Variants in FASTKD1 observed in about 807,000 individuals in gnomAD.
The protein encoded by FASTKD1 is FAST kinase domains 1, also known as FAST kinase domain-containing protein 1, mitochondrial.
Under a neutral mutation model 90.9 loss-of-function variants are expected in FASTKD1, and 94 were observed. The observed-to-expected ratio is 1.03, with a 90% CI of 0.88 to 1.23. FASTKD1 has a LOEUF of 1.23. FASTKD1 is among the 50% of genes most tolerant of loss of function. The probability of loss-of-function intolerance (pLI) is 0.00; values close to 1 mark genes in which losing one functional copy is unlikely to be tolerated. For missense variants in FASTKD1, 945 were observed against 993.5 expected (o/e 0.95, Z 0.66); for synonymous variants, 319 against 345.8 (o/e 0.92, Z 0.86).
Position 169,538,142 on chromosome 2 carries a change from CTG to C in FASTKD1, c.1946-3_1946-2del, listed in dbSNP as rs777586503. On this transcript the variant is annotated splice_acceptor_variant and splice_polypyrimidine_tract_variant and intron_variant, in intron 10 of 14. Transcript: ENST00000453153. LOFTEE classifies it high-confidence loss of function. ...CTTGCACTTCGAGATGGAGATAAAA[CTG>C]AAATTAATAAAATACTAATGAATTT... The C allele has an allele frequency of 1.2e-5, 19 of 1,588,514 alleles. No individual in the cohort carries two copies. Among genetic ancestry groups the C allele is most frequent in the Non-Finnish European group, 1.6e-5 (19 of 1,172,868 alleles).
At chr2:169,568,270 C>CT (rs1350126580) in intron 3 of FASTKD1, among the ~76,000 whole-genome samples, 1 of 152,094 alleles carries the variant, frequency 6.6e-6, no homozygotes, top group Admixed American at 6.6e-5. Context: ...ACTAGGGTCT[C>CT]TTTTTTTCTC....
chr2:169,534,505 G>C (rs1415854242), intron 12 of FASTKD1, among the ~76,000 whole-genome samples: 3 of 142,284 alleles, frequency 2.1e-5, no homozygotes, highest in Admixed American at 7.4e-5. Flanking sequence ...TGTCGCTCAG[G>C]TTGGAGTGCA....
intron 9 of FASTKD1, among the ~76,000 whole-genome samples, chr2:169,544,364 G>A (rs566915913): frequency 1.3e-5 from 2 of 152,142 alleles, no homozygotes; most frequent in Non-Finnish European, 2.9e-5. Context: ...GAGGTCAGGA[G>A]TTCCTGACCA....
intron 12 of FASTKD1, among the ~76,000 whole-genome samples, chr2:169,534,567 C>T (rs1415468066): frequency 2.0e-5 from 3 of 147,610 alleles, no homozygotes; most frequent in Non-Finnish European, 3.0e-5. Flanking sequence ...TCAAGCGATT[C>T]TCCTGCCTCA....
At chr2:169,568,606 A>G (rs1684093245) in intron 3 of FASTKD1, among the ~76,000 whole-genome samples, 1 of 129,394 alleles carries the variant, frequency 7.7e-6, no homozygotes. Context: ...CAGCCTGGGC[A>G]ACATGTCAAG....
rs757847945 is a variant in FASTKD1, at chr2:169,531,428, A to G, written c.2251T>C (p.Leu751=). The G allele has an allele frequency of 1.5e-5, 24 of 1,612,358 alleles. No individual in the cohort carries two copies. Among genetic ancestry groups the G allele is most frequent in the Admixed American group, 8.3e-5 (5 of 59,962 alleles). ...CAGGGCATTTCTGGTAGTTGTCCCA[A>G]TGCTATATTATGGCTTCCATACGGA... The part of the protein sequence containing the change: ...PLPYGSHNIA[L]GQLPEMPWES... The change falls in exon 13 of 15, where the codon TTG becomes CTG. Residue 751 remains leucine (L), a synonymous_variant. Coordinates refer to ENST00000453153, the MANE Select transcript of FASTKD1 (RefSeq NM_024622.6).
rs113959605 is a variant in FASTKD1, at chr2:169,571,688, G to A, written c.342C>T (p.Asp114=). Residue 114 remains aspartate, a synonymous_variant, in exon 2 of 15, where the codon GAC becomes GAT. Coordinates refer to ENST00000453153, the MANE Select transcript of FASTKD1 (RefSeq NM_024622.6). ...LATNKFKLMN[D]DTLVNVLYVT... ...CGTATAACACATTCACCAGGGTATC[G>A]TCATTCATTAATTTGAATTTATTTG... is the stretch of plus-strand genomic sequence containing the variant. 1.1e-3 allele frequency: 1,813 copies of A among 1,609,410 alleles called. 25 individuals are homozygous for A. In the African/African-American group the frequency reaches 0.021, roughly 19 times the overall value.
chr2:169,561,792 G>GTAAATTATCTATTAATTTATTA (rs1559156612), intron 4 of FASTKD1, among the ~76,000 whole-genome samples: 6 of 96,188 alleles, frequency 6.2e-5, no homozygotes, highest in Non-Finnish European at 1.4e-4. Context: ...TTAATTTATT[G>GTAAATTATCTATTAATTTATTA]TAAATTATTT....
chr2:169,544,607 T>C (rs910437087), intron 9 of FASTKD1, 114 bp downstream of exon 9: 14 of 666,012 alleles, frequency 2.1e-5, no homozygotes, highest in Non-Finnish European at 3.4e-5. Flanking sequence ...TTTTTTTAGG[T>C]AGATAATTCA....
chr2:169,541,864 A>G (rs967559249), intron 9 of FASTKD1, among the ~76,000 whole-genome samples: 5 of 152,106 alleles, frequency 3.3e-5, no homozygotes, highest in Admixed American at 6.6e-5. Context: ...GGTCTCCCTC[A>G]TCTACTCCTG....
At position 169,561,271 on chromosome 2, in the gene FASTKD1, G is replaced by A. The variant is rs1386596935; in HGVS notation, c.573-486C>T. Among the ~76,000 whole-genome samples, 6 of 151,148 alleles carry A rather than the reference G, an allele frequency of 4.0e-5. 1 individual carries two copies. The highest frequency in any genetic ancestry group is 7.3e-5 in the African/African-American group (3 of 41,228). On this transcript the variant is annotated intron_variant, in intron 4 of 14. Coordinates refer to ENST00000453153, the MANE Select transcript of FASTKD1 (RefSeq NM_024622.6). ...CACTCCAGTCAGGGAAACAGAGGGA[G>A]ACTCCATCTCAAAAGAAAAAAAAAA...
At chr2:169,561,942 A>G (rs1045422609) in intron 4 of FASTKD1, among the ~76,000 whole-genome samples, 15 of 137,950 alleles carry the variant, frequency 1.1e-4, no homozygotes, top group African/African-American at 2.7e-4. Context: ...TTAATTTATT[A>G]TAAATTAATT....
At position 169,529,755 on chromosome 2, in the gene FASTKD1, A is replaced by C; in HGVS notation, c.*70T>G. ...CTTAGGACATTTGTACCTATTTTTT[A>C]ATTGAGACAGGCCACTTTATTAAAA... On this transcript the variant is annotated 3_prime_UTR_variant, in exon 15 of 15. Coordinates refer to ENST00000453153, the MANE Select transcript of FASTKD1 (RefSeq NM_024622.6). 9.5e-7 allele frequency: 1 copy of C among 1,047,818 alleles called. No homozygotes were observed. The highest frequency in any genetic ancestry group is 2.3e-5 in the Admixed American group (1 of 43,362). The allele number at this position is 1,047,818 out of a possible 1,614,324, so 64.9% of individuals were successfully genotyped here.
chr2:169,549,793 A>C (rs1466623612), intron 7 of FASTKD1, among the ~76,000 whole-genome samples: 2 of 152,172 alleles, frequency 1.3e-5, no homozygotes, highest in East Asian at 3.8e-4. Context: ...TTAGCATACT[A>C]AAATAATCGT....
chr2:169,557,856 T>C (rs1683399665), intron 5 of FASTKD1, among the ~76,000 whole-genome samples: 1 of 152,238 alleles, frequency 6.6e-6, no homozygotes, highest in Non-Finnish European at 1.5e-5. Context: ...AGTACCATGA[T>C]ACGTGTATTT....
rs183448777 is a variant in FASTKD1, at chr2:169,548,891, G to A, written c.1215-2187C>T. ...GGGCAGATCACGAGGTCAGGAGATC[G>A]AGACCATTCTGGCTAACATGGTGAA... On this transcript the variant is annotated intron_variant, in intron 7 of 14. Coordinates refer to ENST00000453153, the MANE Select transcript of FASTKD1 (RefSeq NM_024622.6). Among the ~76,000 whole-genome samples the A allele has an allele frequency of 8.4e-3, 1,267 of 151,638 alleles. 23 individuals carry two copies. The highest frequency in any genetic ancestry group is 0.029 in the African/African-American group (1,189 of 41,346).
In FASTKD1 at chr2:169,531,383, C is replaced by T; in HGVS notation, c.2296G>A (p.Val766Ile). 1.2e-6 allele frequency: 2 copies of T among 1,613,534 alleles called. No homozygotes were observed. Among genetic ancestry groups the T allele is most frequent in the Non-Finnish European group, 1.7e-6 (2 of 1,179,872 alleles). Residue 766 changes from valine (V) to isoleucine (I), a missense_variant, in exon 13 of 15, where the codon GTT becomes ATT. Transcript: ENST00000453153. Reference sequence around the variant, plus strand: ...GCCCCTGGTGGCAGCCTTGATCCAACTATTTCGATATTTGATTCCCAGGGC... The same window carrying T: ...GCCCCTGGTGGCAGCCTTGATCCAATTATTTCGATATTTGATTCCCAGGGC... ...EMPWESNIEIVGSRLPPGAER... is the reference protein window; with the variant it reads ...EMPWESNIEIIGSRLPPGAER...
chr2:169,555,049 C>G, intron 7 of FASTKD1, 75 bp downstream of exon 7: 1 of 1,407,746 alleles, frequency 7.1e-7, no homozygotes, highest in Non-Finnish European at 9.7e-7. Flanking sequence ...TCTAGCACCA[C>G]TGTACATAGT....
At chr2:169,548,126 T>C (rs555098571) in intron 7 of FASTKD1, among the ~76,000 whole-genome samples, 343 of 151,900 alleles carry the variant, frequency 2.3e-3, no homozygotes, top group Middle Eastern at 0.02. Flanking sequence ...AAATTTTTTA[T>C]TCAAAAATAA....
Sources: gnomAD v4.1 joint callset for allele counts (sites outside exome capture counted in the v4.1 genomes callset) on GRCh38, gnomAD v4.1.1 for gene constraint, MANE v1.5 for transcripts, NCBI Gene and HGNC (gene_info 2026-07-23, HGNC 2026-07-21) for gene names.